CLRN1: variants seen among roughly 807,000 people sequenced by gnomAD.
CLRN1 encodes clarin-1.
A neutral mutation model predicts 18.7 loss-of-function variants in CLRN1; 15 were observed. The observed-to-expected ratio is 0.80, with a 90% confidence interval of 0.54 to 1.23. CLRN1 has a LOEUF of 1.23. CLRN1 is among the 50% of genes most tolerant of loss of function. The pLI, the probability that CLRN1 is intolerant of heterozygous loss-of-function variation, is 0.00. For synonymous variants in CLRN1, 104 were observed against 102.9 expected (o/e 1.01, Z -0.07); for missense variants, 311 against 277.5 (o/e 1.12, Z -0.86).
Position 150,927,876 on chromosome 3 carries a change from A to T in CLRN1, c.*60T>A. The stretch of plus-strand genomic sequence containing the variant: ...ACTAAAAGGATATGCAAAATTAACC[A>T]CATCTAAAAGTGACCAAAGCAAGTC... On this transcript the variant is annotated 3_prime_UTR_variant, in exon 3 of 3. Coordinates refer to ENST00000327047, the MANE Select transcript of CLRN1 (RefSeq NM_174878.3). 1.3e-6 allele frequency: 2 copies of T among 1,596,172 alleles called. No homozygotes were observed. The highest frequency in any genetic ancestry group is 2.2e-5 in the South Asian group (2 of 90,468).
At chr3:150,930,254 G>T (rs927469865) in intron 2 of CLRN1, among the ~76,000 whole-genome samples, 2 of 152,142 alleles carry the variant, frequency 1.3e-5, no homozygotes, top group Admixed American at 6.5e-5. Flanking sequence ...GCTGGACTGT[G>T]GGGGGAGAGT....
At chr3:150,930,220 GAA>G (rs1162934700) in intron 2 of CLRN1, among the ~76,000 whole-genome samples, 1 of 152,142 alleles carries the variant, frequency 6.6e-6, no homozygotes. Context: ...GGAGCTATAG[GAA>G]AAGTTAGCTG....
chr3:150,968,415 T>C (rs545059537), intron 1 of CLRN1, among the ~76,000 whole-genome samples: 2 of 152,340 alleles, frequency 1.3e-5, no homozygotes, highest in Non-Finnish European at 2.9e-5. Context: ...AATTGTATGC[T>C]AGGTATGAAT....
intron 1 of CLRN1, among the ~76,000 whole-genome samples, chr3:150,947,397 G>T (rs1714235285): frequency 6.6e-6 from 1 of 152,170 alleles, no homozygotes; most frequent in South Asian, 2.1e-4. Context: ...GAAGCACCCA[G>T]ATTCATAAAG....
intron 1 of CLRN1, among the ~76,000 whole-genome samples, chr3:150,967,678 C>T (rs574780267): frequency 3.3e-5 from 5 of 152,238 alleles, no homozygotes; most frequent in African/African-American, 1.2e-4. Context: ...GCTCTGCCAT[C>T]GGCAGGGTGA....
chr3:150,966,880 T>C (rs962759639), intron 1 of CLRN1, among the ~76,000 whole-genome samples: 3 of 152,164 alleles, frequency 2.0e-5, no homozygotes, highest in Admixed American at 1.3e-4. Context: ...TATGCAACTG[T>C]AAAGCTGGAA....
At chr3:150,933,119 T>C (rs1713248801) in intron 2 of CLRN1, among the ~76,000 whole-genome samples, 1 of 152,202 alleles carries the variant, frequency 6.6e-6, no homozygotes, top group South Asian at 2.1e-4. Flanking sequence ...AGAATATCAT[T>C]TGTTACCAGA....
At chr3:150,938,998 C>T (rs1713645091) in intron 2 of CLRN1, among the ~76,000 whole-genome samples, 1 of 152,170 alleles carries the variant, frequency 6.6e-6, no homozygotes, top group Admixed American at 6.5e-5. Flanking sequence ...ATTTGTCTTC[C>T]AAGTGCGCTG....
At chr3:150,944,495 C>T (rs1048322574) in intron 1 of CLRN1, among the ~76,000 whole-genome samples, 5 of 151,412 alleles carry the variant, frequency 3.3e-5, no homozygotes, top group African/African-American at 9.7e-5. Context: ...GGGGGCTGGC[C>T]TACGGTGGGA....
At chr3:150,964,118 T>C (rs1715160191) in intron 1 of CLRN1, among the ~76,000 whole-genome samples, 1 of 151,936 alleles carries the variant, frequency 6.6e-6, no homozygotes, top group Non-Finnish European at 1.5e-5. Context: ...ATTATCAGAG[T>C]GAACGGGCAA....
At chr3:150,930,168 G>T (rs888228328) in intron 2 of CLRN1, among the ~76,000 whole-genome samples, 10 of 152,200 alleles carry the variant, frequency 6.6e-5, no homozygotes, top group Non-Finnish European at 1.3e-4. Flanking sequence ...GTTACTGAGA[G>T]GGTGGGCAGC....
intron 1 of CLRN1, among the ~76,000 whole-genome samples, chr3:150,945,969 A>G (rs1430936499): frequency 6.6e-6 from 1 of 152,244 alleles, no homozygotes; most frequent in Non-Finnish European, 1.5e-5. Flanking sequence ...TTACAAGGAT[A>G]TTCATTGCAG....
chr3:150,941,170 A>ATCTATCTATCTATCTC (rs1559982419), intron 2 of CLRN1, among the ~76,000 whole-genome samples: 1 of 103,166 alleles, frequency 9.7e-6, no homozygotes, highest in Non-Finnish European at 2.2e-5. Flanking sequence ...CTATCTATCT[A>ATCTATCTATCTATCTC]TCTCTTTCAT....
intron 1 of CLRN1, among the ~76,000 whole-genome samples, chr3:150,964,264 C>A (rs947873262): frequency 9.2e-5 from 14 of 152,280 alleles, no homozygotes; most frequent in Non-Finnish European, 4.4e-5. Flanking sequence ...ACGGACACTT[C>A]TCAAAAGAAG....
At chr3:150,971,916 C>A (rs1398645002) in intron 1 of CLRN1, among the ~76,000 whole-genome samples, 2 of 152,154 alleles carry the variant, frequency 1.3e-5, no homozygotes, top group African/African-American at 4.8e-5. Context: ...GTTAGCACAG[C>A]AGATCATTTT....
At chr3:150,951,240 C>T (rs1209743709) in intron 1 of CLRN1, among the ~76,000 whole-genome samples, 4 of 151,992 alleles carry the variant, frequency 2.6e-5, no homozygotes, top group Non-Finnish European at 2.9e-5. Flanking sequence ...TTACAGGTAC[C>T]CCCAAACGTA....
chr3:150,947,548 A>G (rs1714242099), intron 1 of CLRN1, among the ~76,000 whole-genome samples: 1 of 152,178 alleles, frequency 6.6e-6, no homozygotes. Context: ...ATTGGACCAA[A>G]TGGATCTAAT....
chr3:150,934,282 ATAAT>A (rs545030543), intron 2 of CLRN1, among the ~76,000 whole-genome samples: 160 of 152,286 alleles, frequency 1.1e-3, no homozygotes, highest in African/African-American at 3.7e-3. Flanking sequence ...TGTAATTATC[ATAAT>A]TAATTAGGCC....
intron 1 of CLRN1, among the ~76,000 whole-genome samples, chr3:150,949,800 GA>G (rs931193692): frequency 6.6e-6 from 1 of 151,832 alleles, no homozygotes; most frequent in African/African-American, 2.4e-5. Flanking sequence ...CACATAACTA[GA>G]AAAAAAACTA....
Sources: allele counts gnomAD v4.1 joint callset (sites outside exome capture counted in the v4.1 genomes callset), GRCh38; gene constraint gnomAD v4.1.1; transcripts MANE v1.5; gene names NCBI Gene and HGNC (gene_info 2026-07-23, HGNC 2026-07-21).